NUMA1: variants seen among roughly 807,000 people sequenced by gnomAD.
NUMA1 encodes the protein nuclear mitotic apparatus protein 1, also known as SP-H antigen.
A neutral mutation model predicts 237.1 loss-of-function variants in NUMA1; 62 were observed. That is an observed-to-expected ratio of 0.26 (90% confidence interval 0.21 to 0.32). The LOEUF is 0.32. NUMA1 is among the 10% of genes least tolerant of loss of function. NUMA1 has a pLI of 1.00. For synonymous variants in NUMA1, 1,028 were observed against 1,066.1 expected (o/e 0.96, Z 0.70); for missense variants, 2,533 against 2,666.5 (o/e 0.95, Z 1.10).
chr11:72,033,137 C>T (rs1262302272), intron 3 of NUMA1, among the ~76,000 whole-genome samples: 1 of 151,976 alleles, frequency 6.6e-6, no homozygotes, highest in Non-Finnish European at 1.5e-5. Context: ...AAATTGAAAA[C>T]ATTCTCTATA....
In NUMA1 at chr11:72,015,449, T is replaced by G; in HGVS notation, c.2054A>C (p.Gln685Pro). The part of the protein sequence containing the change: ...ELELQLRSEQ[Q>P]KATEKERVAQ... ...CACCCTTTCTTTCTCAGTTGCTTTTTGCTGCTCAGACCGCAGCTGCAACTC... is the reference window on the plus strand; with the variant it reads ...CACCCTTTCTTTCTCAGTTGCTTTTGGCTGCTCAGACCGCAGCTGCAACTC... Residue 685 changes from glutamine (Q) to proline (P), a missense_variant, in exon 15 of 27, where the codon CAA (glutamine) becomes CCA (proline). This residue lies in a region of NUMA1 where 1,414 missense variants were observed against 1,508.1 expected (regional missense o/e 0.94). Coordinates refer to ENST00000393695, the MANE Select transcript of NUMA1 (RefSeq NM_006185.4). The surrounding 1 kb of genome is among the most constrained non-coding windows in gnomAD (Gnocchi z 4.0). 6.2e-7 allele frequency: 1 copy of G among 1,612,132 alleles called. No homozygotes were observed. Among genetic ancestry groups the G allele is most frequent in the Admixed American group, 1.7e-5 (1 of 60,026 alleles).
In NUMA1 at chr11:72,007,251, C is replaced by T. The variant is rs148082297; in HGVS notation, c.5401G>A (p.Gly1801Ser). 1,076 of 1,612,720 alleles carry T rather than the reference C, an allele frequency of 6.7e-4. No individual in the cohort carries two copies. The highest frequency in any genetic ancestry group is 8.8e-4 in the Non-Finnish European group (1,036 of 1,179,754). ...CGACGAGCGGAGCGGGTCTTACGAC[C>T]CGAGTCCAGGAAGACGTCTCCCAGG... is the stretch of plus-strand genomic sequence containing the variant. ...DSLGDVFLDSGRKTRSARRRT... is the reference protein window; with the variant it reads ...DSLGDVFLDSSRKTRSARRRT... Residue 1801 changes from glycine to serine, a missense_variant, in exon 21 of 27, where the codon GGT becomes AGT. Gly to Ser is a moderately conservative substitution (Grantham distance 56). Around this residue, in one of 3 missense-constraint regions of NUMA1, gnomAD observed 795 missense variants for 750.8 expected, o/e 1.06. Coordinates refer to ENST00000393695, the MANE Select transcript of NUMA1 (RefSeq NM_006185.4).
chr11:72,054,582 C>T (rs1051942397), intron 2 of NUMA1, among the ~76,000 whole-genome samples: 2 of 152,016 alleles, frequency 1.3e-5, no homozygotes, highest in African/African-American at 4.8e-5. Flanking sequence ...AAATCTTTCA[C>T]GATGTTAAGC....
chr11:72,045,934 C>T (rs1459967352), intron 2 of NUMA1, among the ~76,000 whole-genome samples: 1 of 152,228 alleles, frequency 6.6e-6, no homozygotes, highest in Non-Finnish European at 1.5e-5. Context: ...GTCTCAAAAG[C>T]GTACAAGAGG....
chr11:72,061,179 G>A (rs1047550868), intron 2 of NUMA1, among the ~76,000 whole-genome samples: 1 of 152,238 alleles, frequency 6.6e-6, no homozygotes, highest in African/African-American at 2.4e-5. Context: ...CGAGGTTGCA[G>A]TGAGCTATGA....
chr11:72,008,548 A>AT (rs1414898366), intron 20 of NUMA1, 140 bp downstream of exon 20: 2 of 942,484 alleles, frequency 2.1e-6, no homozygotes, highest in Non-Finnish European at 3.3e-6. Context: ...CCCTAAATAG[A>AT]TATCTGGTAT....
In NUMA1 at chr11:72,005,234, C is replaced by G; in HGVS notation, c.5828G>C (p.Arg1943Thr). 6.3e-7 allele frequency: 1 copy of G among 1,594,406 alleles called. No homozygotes were observed. The highest frequency in any genetic ancestry group is 1.7e-4 in the Middle Eastern group (1 of 5,938). ...CTGCACAGTGACCCCAGGCCTCACCCTGGACTCCAGGGGATAGCAGGTCTT... is the reference window on the plus strand; with the variant it reads ...CTGCACAGTGACCCCAGGCCTCACCGTGGACTCCAGGGGATAGCAGGTCTT... ...HLKTCYPLES[R>T]PSLSLGTITD... Residue 1943 changes from arginine (R) to threonine (T), a missense_variant and splice_region_variant, in exon 23 of 27, where the codon AGG becomes ACG. Arg to Thr is a moderately conservative substitution (Grantham distance 71). Transcript: ENST00000393695.
At position 72,006,108 on chromosome 11, in the gene NUMA1, C is replaced by T; in HGVS notation, c.5619G>A (p.Leu1873=). ...PDYGNSALLS[L]PGYRPTTRSS... ...TGCGAGTGGTGGGGCGGTAGCCAGG[C>T]AAGCTGAGCAGGGCTGAGTTGCCAT... Residue 1873 remains leucine (L), a synonymous_variant, in exon 22 of 27, where the codon TTG becomes TTA. Coordinates refer to ENST00000393695, the MANE Select transcript of NUMA1 (RefSeq NM_006185.4). 1 of 1,614,128 alleles carries T rather than the reference C, an allele frequency of 6.2e-7. No homozygotes were observed. The highest frequency in any genetic ancestry group is 8.5e-7 in the Non-Finnish European group (1 of 1,180,008).
chr11:72,025,548 T>C (rs931359452), intron 4 of NUMA1, among the ~76,000 whole-genome samples: 10 of 152,114 alleles, frequency 6.6e-5, no homozygotes, highest in African/African-American at 1.2e-4. Flanking sequence ...GCAGGTGAAA[T>C]ACCACTTCAA....
intron 1 of NUMA1, among the ~76,000 whole-genome samples, chr11:72,077,669 C>T (rs538166951): frequency 1.4e-3 from 216 of 152,014 alleles, no homozygotes; most frequent in African/African-American, 5.0e-3. Context: ...AAAAAATTAG[C>T]CAGGCGTGGT....
At chr11:72,024,121 G>A in intron 5 of NUMA1, 153 bp downstream of exon 5, 1 of 622,164 alleles carries the variant, frequency 1.6e-6, no homozygotes, top group Non-Finnish European at 2.8e-6. Context: ...AAGACCCAGG[G>A]GATCTGAACC....
intron 26 of NUMA1, 116 bp from the exon 27 acceptor site, chr11:72,003,654 GC>G: frequency 7.3e-7 from 1 of 1,370,292 alleles, no homozygotes; most frequent in Non-Finnish European, 1.0e-6. Flanking sequence ...TCCCTTGTGA[GC>G]CCCAGGGTTA....
Position 72,019,499 on chromosome 11 carries a change from C to T in NUMA1, c.579G>A (p.Gly193=), listed in dbSNP as rs1938428482. The part of the protein sequence containing the change: ...ELQKVASSSS[G]NNFLSGSPAS... ...AGGAGAGGCCCAGAACATACTTGTT[C>T]CCACTGGAAGAGGAGGCAACCTTCT... is the stretch of plus-strand genomic sequence containing the variant. Residue 193 remains glycine (G), a synonymous_variant, in exon 9 of 27, where the codon GGG becomes GGA. Coordinates refer to ENST00000393695, the MANE Select transcript of NUMA1 (RefSeq NM_006185.4). 1.9e-6 allele frequency: 3 copies of T among 1,613,142 alleles called. No individual in the cohort carries two copies. The highest frequency in any genetic ancestry group is 3.4e-4 in the Middle Eastern group (2 of 5,942).
In NUMA1 at chr11:72,004,073, G is replaced by C; in HGVS notation, c.6150C>G (p.Phe2050Leu). Residue 2050 changes from phenylalanine to leucine, a missense_variant, in exon 26 of 27, where the codon TTC becomes TTG. Phe to Leu is a conservative substitution (Grantham distance 22). Coordinates refer to ENST00000393695, the MANE Select transcript of NUMA1 (RefSeq NM_006185.4). ...KQADRRQSMA[F>L]SILNTPKKLG... is the part of the protein sequence containing the mutation. The stretch of plus-strand genomic sequence containing the variant: ...GCTTCTTGGGTGTGTTGAGGATGCT[G>C]AAGGCCATCGACTGGCGCCGGTCAG... The C allele has an allele frequency of 6.2e-7, 1 of 1,613,184 alleles. No homozygotes were observed. The highest frequency in any genetic ancestry group is 1.1e-5 in the South Asian group (1 of 91,028).
rs1334169775 is a variant in NUMA1 at position 72,008,805 on chromosome 11, A to G, written c.5099T>C (p.Phe1700Ser). The change falls in exon 20 of 27, where the codon TTC (phenylalanine) becomes TCC (serine). Residue 1700 changes from phenylalanine (F) to serine (S), a missense_variant. Physicochemically the swap from Phe to Ser is radical, Grantham distance 155 (BLOSUM62 -2). Around this residue, in one of 3 missense-constraint regions of NUMA1, gnomAD observed 795 missense variants for 750.8 expected, o/e 1.06. Coordinates refer to ENST00000393695, the MANE Select transcript of NUMA1 (RefSeq NM_006185.4). ...ADQQLRDLGK[F>S]QVATDALKSR... ...CTTTAAAGCATCAGTTGCCACCTGGAATTTGCCCAGGTCTCGAAGCTGCTG... is the reference window on the plus strand; with the variant it reads ...CTTTAAAGCATCAGTTGCCACCTGGGATTTGCCCAGGTCTCGAAGCTGCTG... 1 of 1,614,048 alleles carries G rather than the reference A, an allele frequency of 6.2e-7. No individual in the cohort carries two copies. The highest frequency in any genetic ancestry group is 2.2e-5 in the East Asian group (1 of 44,862).
At chr11:72,079,988 T>C (rs1943997701) in intron 1 of NUMA1, among the ~76,000 whole-genome samples, 1 of 152,046 alleles carries the variant, frequency 6.6e-6, no homozygotes, top group South Asian at 2.1e-4. Context: ...AAGCTAAACA[T>C]TATAAACCTC....
chr11:72,073,857 G>A (rs1943578648), intron 1 of NUMA1, among the ~76,000 whole-genome samples: 1 of 152,180 alleles, frequency 6.6e-6, no homozygotes, highest in Non-Finnish European at 1.5e-5. Context: ...CCCTGTAAAA[G>A]AGAATAGTAA....
rs765851277 is a variant in NUMA1 at position 72,013,886 on chromosome 11, T to C, written c.3617A>G (p.Glu1206Gly). The C allele has an allele frequency of 6.2e-7, 1 of 1,613,994 alleles. No homozygotes were observed. The highest frequency in any genetic ancestry group is 8.5e-7 in the Non-Finnish European group (1 of 1,180,038). Residue 1206 changes from glutamate to glycine, a missense_variant, in exon 15 of 27, where the codon GAA becomes GGA. By Grantham distance (98) the Glu-to-Gly change is moderately conservative (BLOSUM62 -2). Coordinates refer to ENST00000393695, the MANE Select transcript of NUMA1 (RefSeq NM_006185.4). The surrounding 1 kb of genome is among the most constrained non-coding windows in gnomAD (Gnocchi z 6.8). ...GGCCACCTGGGCCTTCCACTCATCT[T>C]CAGCCTTGCTGTGGTCTTGTACCTT... ...RTKVQDHSKA[E>G]DEWKAQVARG... is the part of the protein sequence containing the mutation.
At chr11:72,073,048 C>CATAAAAAAAAAA in intron 1 of NUMA1, among the ~76,000 whole-genome samples, 1 of 38,976 alleles carries the variant, frequency 2.6e-5, no homozygotes, top group Non-Finnish European at 4.2e-5. Context: ...GACTCCGTCT[C>CATAAAAAAAAAA]AAAAAAAAAA....
Sources: gnomAD v4.1 joint callset for allele counts (sites outside exome capture counted in the v4.1 genomes callset) on GRCh38, gnomAD v4.1.1 for gene constraint, gnomAD v4.1.1 regional missense constraint, Gnocchi (gnomAD v3.1) non-coding constraint, MANE v1.5 for transcripts, NCBI Gene and HGNC (gene_info 2026-07-23, HGNC 2026-07-21) for gene names.